The following KAZN variants were observed in gnomAD, a reference collection of about 807,000 sequenced individuals.
The protein encoded by KAZN is kazrin, periplakin interacting protein.
Under a neutral mutation model 87.4 loss-of-function variants are expected in KAZN, and 40 were observed. The observed-to-expected ratio is 0.46, with a 90% confidence interval of 0.36 to 0.60. The LOEUF (loss-of-function observed/expected upper bound fraction) is 0.60. Ranked by LOEUF, KAZN falls within the 20% of genes least tolerant of loss-of-function variation. The pLI, the probability that KAZN is intolerant of heterozygous loss-of-function variation, is 0.00. For missense variants in KAZN, 898 were observed against 1,073.9 expected, an observed-to-expected ratio of 0.84 and a Z score of 2.29; for synonymous variants, 466 against 458.3, an observed-to-expected ratio of 1.02 and a Z score of -0.22.
chr1:14,176,097 AT>A (rs555288958), intron 1 of KAZN, among the ~76,000 whole-genome samples: 31 of 152,314 alleles, frequency 2.0e-4, no homozygotes, highest in African/African-American at 7.0e-4. Flanking sequence ...TGGAGCACCT[AT>A]TTCCACTTAG....
At chr1:14,277,373 A>G (rs553029778) in intron 2 of KAZN, among the ~76,000 whole-genome samples, 2 of 152,312 alleles carry the variant, frequency 1.3e-5, no homozygotes, top group East Asian at 3.9e-4. Flanking sequence ...CGAGTTAGAA[A>G]CAACAGTAAC....
chr1:14,349,490 G>C (rs551308433), intron 2 of KAZN: 1 of 152,332 alleles, frequency 6.6e-6, no homozygotes, highest in South Asian at 2.1e-4. Flanking sequence ...TGGAGAAGCA[G>C]CTGCCCTGTC....
intron 1 of KAZN, among the ~76,000 whole-genome samples, chr1:13,957,161 C>T (rs930545087): frequency 2.6e-5 from 4 of 152,162 alleles, no homozygotes; most frequent in South Asian, 2.1e-4. Flanking sequence ...GTAAGAGACT[C>T]GGATCATTGC....
intron 2 of KAZN, among the ~76,000 whole-genome samples, chr1:14,560,661 T>C (rs998618503): frequency 2.2e-4 from 34 of 152,108 alleles, no homozygotes; most frequent in South Asian, 4.1e-4. Context: ...CTTTTGACAG[T>C]GCCTGGCACA....
At chr1:14,417,977 C>A (rs1160677090) in intron 2 of KAZN, among the ~76,000 whole-genome samples, 1 of 110,046 alleles carries the variant, frequency 9.1e-6, no homozygotes, top group East Asian at 2.9e-4. Context: ...GGCTGGGCGA[C>A]AGAGTGAGAC....
intron 1 of KAZN, among the ~76,000 whole-genome samples, chr1:14,928,144 T>C (rs914417244): frequency 6.6e-6 from 1 of 152,190 alleles, no homozygotes; most frequent in Non-Finnish European, 1.5e-5. Flanking sequence ...TTCACGTTGC[T>C]CTTAAGAAAG....
intron 2 of KAZN, among the ~76,000 whole-genome samples, chr1:14,570,019 A>G (rs1674767445): frequency 6.6e-6 from 1 of 152,172 alleles, no homozygotes; most frequent in Non-Finnish European, 1.5e-5. Context: ...AGGCCGCGGC[A>G]GGAGAATTGC....
intron 1 of KAZN, among the ~76,000 whole-genome samples, chr1:14,150,943 A>G (rs966206468): frequency 1.3e-4 from 20 of 151,870 alleles, no homozygotes; most frequent in African/African-American, 4.6e-4. Flanking sequence ...TCAAGTAGAG[A>G]TAAACCCTGC....
intron 2 of KAZN, among the ~76,000 whole-genome samples, chr1:14,513,498 C>A (rs1379487893): frequency 1.3e-5 from 2 of 152,150 alleles, no homozygotes; most frequent in Non-Finnish European, 2.9e-5. Context: ...AATTGCCAAG[C>A]TAAAGAACGG....
At chr1:14,972,315 A>G (rs1665142961) in intron 2 of KAZN, among the ~76,000 whole-genome samples, 1 of 152,194 alleles carries the variant, frequency 6.6e-6, no homozygotes, top group South Asian at 2.1e-4. Flanking sequence ...CTTTGGTGTG[A>G]GCAGGGGAGG....
At chr1:14,711,122 G>C (rs1642463840) in intron 1 of KAZN, among the ~76,000 whole-genome samples, 1 of 152,198 alleles carries the variant, frequency 6.6e-6, no homozygotes, top group East Asian at 1.9e-4. Context: ...GAGCCCAGGA[G>C]TTGGAGGCTG....
At chr1:14,713,144 G>A (rs1642577473) in intron 1 of KAZN, among the ~76,000 whole-genome samples, 2 of 152,176 alleles carry the variant, frequency 1.3e-5, no homozygotes, top group Admixed American at 1.3e-4. Context: ...GGGCCACCAG[G>A]CTCTGCTCTG....
intron 1 of KAZN, among the ~76,000 whole-genome samples, chr1:14,887,779 A>G (rs948368791): frequency 6.6e-6 from 1 of 151,684 alleles, no homozygotes; most frequent in African/African-American, 2.4e-5. Flanking sequence ...TTCGGGCCTA[A>G]TTAGAATGAA....
In KAZN at chr1:14,380,281, C is replaced by T. The variant is rs530132163; in HGVS notation, c.249+199689C>T. ...AAACAAGCCCAGATAGAGAAGACTA[C>T]AATAAATACCTAACTCTTCAATACC... is the stretch of plus-strand genomic sequence containing the variant. On this transcript the variant is annotated intron_variant, in intron 2 of 16. Transcript: ENST00000636203. Among the ~76,000 whole-genome samples the T allele has an allele frequency of 4.6e-5, 7 of 152,294 alleles. No homozygotes were observed. In the East Asian group the frequency reaches 1.2e-3, roughly 25 times the overall value.
intron 1 of KAZN, among the ~76,000 whole-genome samples, chr1:14,794,512 G>A (rs759762235): frequency 6.6e-6 from 1 of 152,190 alleles, no homozygotes; most frequent in Non-Finnish European, 1.5e-5. Context: ...TGAACAACCA[G>A]TTCTCACTGC....
chr1:14,724,859 G>C (rs377049677), intron 1 of KAZN, among the ~76,000 whole-genome samples: 1 of 152,120 alleles, frequency 6.6e-6, no homozygotes, highest in Non-Finnish European at 1.5e-5. Flanking sequence ...TCCTCACTCT[G>C]GTTCATCAAT....
chr1:15,000,508 C>T (rs886956362), intron 2 of KAZN, among the ~76,000 whole-genome samples: 7 of 151,820 alleles, frequency 4.6e-5, no homozygotes, highest in Non-Finnish European at 8.8e-5. Flanking sequence ...GAGGAGGCAC[C>T]TCGGGGGGTA....
At chr1:14,219,965 C>T (rs866154040) in intron 2 of KAZN, among the ~76,000 whole-genome samples, 14 of 152,244 alleles carry the variant, frequency 9.2e-5, no homozygotes, top group South Asian at 4.1e-4. Flanking sequence ...AGTCGTTGTC[C>T]GCATAAACTC....
chr1:13,910,378 C>A lies in KAZN; in HGVS notation c.91+16622C>A, dbSNP rs544791314. Among the ~76,000 whole-genome samples the A allele has an allele frequency of 1.1e-3, 171 of 152,008 alleles. 5 individuals are homozygous for A. In the East Asian group the frequency reaches 0.03, roughly 27 times the overall value. Reference sequence around the variant, plus strand: ...AAAAAATTAGCTGGGTGTGGTGGTGCATGCCTGTAATCCCAGCTACCCAGG... The same window carrying A: ...AAAAAATTAGCTGGGTGTGGTGGTGAATGCCTGTAATCCCAGCTACCCAGG... On this transcript the variant is annotated intron_variant, in intron 1 of 16. Transcript: ENST00000636203.
Sources: allele counts gnomAD v4.1 joint callset (sites outside exome capture counted in the v4.1 genomes callset), GRCh38; gene constraint gnomAD v4.1.1; transcripts MANE v1.5; gene names NCBI Gene and HGNC (gene_info 2026-07-23, HGNC 2026-07-21).